The following ARHGAP32 variants were observed in gnomAD, a reference collection of about 807,000 sequenced individuals.
ARHGAP32 encodes Rho GTPase activating protein 32, also known as rho GTPase-activating protein 32.
A neutral mutation model predicts 186.5 loss-of-function variants in ARHGAP32; 51 were observed. The observed-to-expected ratio is 0.27, with a 90% CI of 0.22 to 0.35. The LOEUF is 0.35. Among genes scored for constraint, ARHGAP32 ranks in the 10% least tolerant of loss-of-function variants. The probability of loss-of-function intolerance (pLI) is 1.00; values close to 1 mark genes in which losing one functional copy is unlikely to be tolerated. For missense variants in ARHGAP32, 2,186 were observed against 2,623.5 expected (o/e 0.83, Z 3.64); for synonymous variants, 950 against 964.3 (o/e 0.99, Z 0.27).
At chr11:129,159,429 A>G (rs796444679) in intron 2 of ARHGAP32, among the ~76,000 whole-genome samples, 6 of 152,304 alleles carry the variant, frequency 3.9e-5, no homozygotes, top group African/African-American at 1.4e-4. Context: ...AAACACCTCT[A>G]CACAAATAAA....
At chr11:129,155,595 C>T (rs1197492340) in intron 2 of ARHGAP32, among the ~76,000 whole-genome samples, 1 of 151,962 alleles carries the variant, frequency 6.6e-6, no homozygotes, top group Non-Finnish European at 1.5e-5. Flanking sequence ...AGATTGCAAC[C>T]TAAGTACATT....
In ARHGAP32 at chr11:129,192,176, C is replaced by G. The variant is rs755615543; in HGVS notation, c.23G>C (p.Ser8Thr). 1 of 1,612,900 alleles carries G rather than the reference C, an allele frequency of 6.2e-7. No individual in the cohort carries two copies. The highest frequency in any genetic ancestry group is 8.5e-7 in the Non-Finnish European group (1 of 1,179,042). The change falls in exon 1 of 23, where the codon AGC becomes ACC. Residue 8 changes from serine (S) to threonine (T), a missense_variant. By Grantham distance (58) the Ser-to-Thr change is moderately conservative. Coordinates refer to ENST00000682385, the MANE Select transcript of ARHGAP32 (RefSeq NM_001378024.1). METESES[S>T]TLGDDSVFWL... ...GAAGACACTGTCATCCCCTAAAGTG[C>G]TACTCTCACTTTCAGTCTCCATCTT... is the stretch of plus-strand genomic sequence containing the variant.
At chr11:129,246,625 A>C (rs1431492660) in intron 1 of ARHGAP32, among the ~76,000 whole-genome samples, 1 of 152,244 alleles carries the variant, frequency 6.6e-6, no homozygotes, top group African/African-American at 2.4e-5. Flanking sequence ...TTACGCGACA[A>C]TCAGAGATGA....
chr11:129,140,045 G>T (rs941174632), intron 2 of ARHGAP32, among the ~76,000 whole-genome samples: 1 of 152,076 alleles, frequency 6.6e-6, no homozygotes, highest in Admixed American at 6.6e-5. Flanking sequence ...TATCTGGATA[G>T]GCCTAATCTA....
Position 128,976,647 on chromosome 11 carries a change from A to G in ARHGAP32, c.2123-13T>C, listed in dbSNP as rs752189564. The G allele has an allele frequency of 1.2e-6, 2 of 1,610,634 alleles. No homozygotes were observed. The highest frequency in any genetic ancestry group is 1.7e-6 in the Non-Finnish European group (2 of 1,176,880). On this transcript the variant is annotated splice_polypyrimidine_tract_variant and intron_variant, in intron 19 of 22. Transcript: ENST00000682385. ...TCTGCCCTGCCACCTGAAGAATAAA[A>G]AACACATAGTGTGAAGATTTCTTAT... is the stretch of plus-strand genomic sequence containing the variant.
At position 129,037,224 on chromosome 11, in the gene ARHGAP32, T is replaced by C. The variant is rs1369311982; in HGVS notation, c.1045+3704A>G. Among the ~76,000 whole-genome samples, 3 of 152,200 alleles carry C rather than the reference T, an allele frequency of 2.0e-5. No individual in the cohort carries two copies. The East Asian group carries it at 5.8e-4, about 29-fold the overall frequency. ...AAAGAATGTCTAGACTGACTGGGCC[T>C]AGTGGCTCATGCCTATAATCCCAGC... is the stretch of plus-strand genomic sequence containing the variant. On this transcript the variant is annotated intron_variant, in intron 11 of 22. Coordinates refer to ENST00000682385, the MANE Select transcript of ARHGAP32 (RefSeq NM_001378024.1).
At chr11:128,986,391 A>G in intron 14 of ARHGAP32, 133 bp downstream of exon 14, 1 of 946,744 alleles carries the variant, frequency 1.1e-6, no homozygotes. Flanking sequence ...AGCTGGCAAT[A>G]TTTGTTTTTT....
At chr11:129,021,403 T>C (rs1938587116) in intron 11 of ARHGAP32, among the ~76,000 whole-genome samples, 1 of 152,078 alleles carries the variant, frequency 6.6e-6, no homozygotes, top group Non-Finnish European at 1.5e-5. Context: ...TGAATAAAAC[T>C]GTATCTCTTC....
At chr11:129,019,528 T>C (rs1303923196) in intron 11 of ARHGAP32, among the ~76,000 whole-genome samples, 1 of 152,204 alleles carries the variant, frequency 6.6e-6, no homozygotes, top group Admixed American at 6.5e-5. Context: ...CATCACATTC[T>C]GTGTAATAAC....
intron 11 of ARHGAP32, among the ~76,000 whole-genome samples, chr11:129,005,125 G>C (rs976778092): frequency 2.0e-5 from 3 of 152,044 alleles, no homozygotes; most frequent in Non-Finnish European, 4.4e-5. Context: ...TGTTTGCATA[G>C]ATAAACAAGC....
chr11:129,010,146 TG>T (rs2134818493), intron 11 of ARHGAP32, among the ~76,000 whole-genome samples: 1 of 152,320 alleles, frequency 6.6e-6, no homozygotes, highest in African/African-American at 2.4e-5. Flanking sequence ...TTAATGGGGT[TG>T]TTTTTTTCTT....
At chr11:129,171,513 C>A (rs1420866308) in intron 1 of ARHGAP32, among the ~76,000 whole-genome samples, 8 of 152,170 alleles carry the variant, frequency 5.3e-5, no homozygotes, top group Admixed American at 5.2e-4. Context: ...GGTCTCTGTT[C>A]TGCTCCATTG....
intron 5 of ARHGAP32, among the ~76,000 whole-genome samples, chr11:129,095,942 A>G (rs981245495): frequency 2.0e-5 from 3 of 152,234 alleles, no homozygotes; most frequent in Admixed American, 2.0e-4. Context: ...TAACTTCAAA[A>G]TATTTAAAGT....
chr11:129,113,755 T>C (rs778357513), intron 5 of ARHGAP32, among the ~76,000 whole-genome samples: 25 of 152,134 alleles, frequency 1.6e-4, no homozygotes, highest in Non-Finnish European at 2.2e-4. Flanking sequence ...ATTTAATGAA[T>C]AAACAAACAT....
At chr11:129,051,086 A>C (rs932509399) in intron 10 of ARHGAP32, among the ~76,000 whole-genome samples, 11 of 152,226 alleles carry the variant, frequency 7.2e-5, no homozygotes, top group African/African-American at 2.7e-4. Flanking sequence ...TATTGTGAAC[A>C]ATGCTGCAAT....
chr11:129,124,759 A>T, intron 3 of ARHGAP32, 44 bp downstream of exon 3: 1 of 1,409,516 alleles, frequency 7.1e-7, no homozygotes, highest in Non-Finnish European at 9.8e-7. Flanking sequence ...ACTGATTTCC[A>T]TTCGTAGGAA....
intron 5 of ARHGAP32, among the ~76,000 whole-genome samples, chr11:129,094,106 G>C (rs1046781079): frequency 1.3e-5 from 2 of 152,028 alleles, no homozygotes; most frequent in Non-Finnish European, 2.9e-5. Context: ...GTGGGGAGGA[G>C]GTGGGGATGG....
rs1227741909 is a variant in ARHGAP32 at position 128,974,986 on chromosome 11, G to A, written c.2211C>T (p.Phe737=). ...LHAVDGDSKL[F]RPRRPRSSSD... The stretch of plus-strand genomic sequence containing the variant: ...TGGAAGATCTGGGTCTTCTGGGTCG[G>A]AAGAGCTTAGAATCACCTGGAAAAA... Residue 737 remains phenylalanine, a synonymous_variant, in exon 21 of 23, where the codon TTC becomes TTT. Coordinates refer to ENST00000682385, the MANE Select transcript of ARHGAP32 (RefSeq NM_001378024.1). 2 of 1,606,578 alleles carry A rather than the reference G, an allele frequency of 1.2e-6. No individual in the cohort carries two copies. Among genetic ancestry groups the A allele is most frequent in the Non-Finnish European group, 1.7e-6 (2 of 1,177,030 alleles).
intron 1 of ARHGAP32, among the ~76,000 whole-genome samples, chr11:129,199,548 G>A (rs1424645503): frequency 6.6e-6 from 1 of 152,276 alleles, no homozygotes; most frequent in Non-Finnish European, 1.5e-5. Flanking sequence ...CTTCCACAAG[G>A]TGTTGAGCCT....
Sources: allele counts gnomAD v4.1 joint callset (sites outside exome capture counted in the v4.1 genomes callset), GRCh38; gene constraint gnomAD v4.1.1; transcripts MANE v1.5; gene names NCBI Gene and HGNC (gene_info 2026-07-23, HGNC 2026-07-21).